The following CACNA1C variants were observed in gnomAD, a reference collection of about 807,000 sequenced individuals.
CACNA1C encodes the protein calcium voltage-gated channel subunit alpha1 C.
In CACNA1C, 30 loss-of-function variants were observed where a neutral mutation model predicts 229.0. The ratio of observed to expected loss-of-function variants is 0.13; its 90% CI spans 0.10 to 0.18. The LOEUF (loss-of-function observed/expected upper bound fraction) is 0.18, where lower values mean the gene tolerates loss of function less well. CACNA1C is among the 10% of genes least tolerant of loss of function. The pLI is 1.00. For synonymous variants in CACNA1C, 1,114 were observed against 1,132.5 expected, an observed-to-expected ratio of 0.98 and a Z score of 0.33; for missense variants, 1,658 against 2,845.0, an observed-to-expected ratio of 0.58 and a Z score of 9.49.
intron 1 of CACNA1C, among the ~76,000 whole-genome samples, chr12:1,990,803 A>G (rs1403194686): frequency 2.0e-5 from 3 of 152,212 alleles, no homozygotes; most frequent in Non-Finnish European, 2.9e-5. Context: ...TAAACCATAC[A>G]TAATTATTAT....
intron 3 of CACNA1C, among the ~76,000 whole-genome samples, chr12:2,163,463 T>C (rs1396133575): frequency 6.6e-6 from 1 of 152,164 alleles, no homozygotes; most frequent in East Asian, 1.9e-4. Context: ...TCATCTGTGA[T>C]GCTTCTTCCA....
At chr12:2,365,484 A>G (rs1393588442) in intron 3 of CACNA1C, among the ~76,000 whole-genome samples, 1 of 152,226 alleles carries the variant, frequency 6.6e-6, no homozygotes, top group Non-Finnish European at 1.5e-5. Flanking sequence ...TGGCCCAAAA[A>G]TGCAGATTAA....
chr12:1,972,268 A>T (rs575354840), intron 1 of CACNA1C, among the ~76,000 whole-genome samples: 1 of 152,262 alleles, frequency 6.6e-6, no homozygotes, highest in African/African-American at 2.4e-5. Flanking sequence ...GAGTAGAATA[A>T]TATTTTCAAT....
chr12:2,028,981 G>T (rs940325495), intron 1 of CACNA1C, among the ~76,000 whole-genome samples: 2 of 152,166 alleles, frequency 1.3e-5, no homozygotes, highest in Non-Finnish European at 2.9e-5. Context: ...GATGACCGTG[G>T]TCATGGATGT....
intron 13 of CACNA1C, among the ~76,000 whole-genome samples, chr12:2,574,021 TGTTGAGAACACCTTA>T (rs1427410190): frequency 2.0e-5 from 3 of 152,224 alleles, no homozygotes; most frequent in Admixed American, 2.0e-4. Context: ...TTCATCCTCT[TGTTGAGAACACCTTA>T]GGGAATGTGC....
intron 3 of CACNA1C, among the ~76,000 whole-genome samples, chr12:2,327,767 A>G (rs941693840): frequency 4.6e-5 from 7 of 152,242 alleles, no homozygotes; most frequent in African/African-American, 1.7e-4. Flanking sequence ...TGCCAAAAGC[A>G]AAACGAAAAT....
chr12:2,358,116 G>A (rs896085596), intron 3 of CACNA1C, among the ~76,000 whole-genome samples: 1 of 152,026 alleles, frequency 6.6e-6, no homozygotes, highest in African/African-American at 2.4e-5. Flanking sequence ...ATCAGCTATG[G>A]AGGCCTCAGA....
rs138407120 is a variant in CACNA1C at position 2,189,922 on chromosome 12, A to G, written c.477+69492A>G. Among the ~76,000 whole-genome samples the G allele has an allele frequency of 1.3e-4, 20 of 152,336 alleles. No homozygotes were observed. In the East Asian group the frequency reaches 3.9e-3, roughly 29 times the overall value. ...GAGGTCCCAAAAGAGGCTGCCTGTGATCCAGGTGAGAGCCGAAACCTTCAA... is the reference window on the plus strand; with the variant it reads ...GAGGTCCCAAAAGAGGCTGCCTGTGGTCCAGGTGAGAGCCGAAACCTTCAA... On this transcript the variant is annotated intron_variant, in intron 3 of 46. Coordinates refer to ENST00000399655, the MANE Select transcript of CACNA1C (RefSeq NM_000719.7).
At chr12:2,145,027 G>A (rs1414822690) in intron 3 of CACNA1C, among the ~76,000 whole-genome samples, 2 of 151,236 alleles carry the variant, frequency 1.3e-5, no homozygotes, top group East Asian at 3.8e-4. Flanking sequence ...GCACTATATT[G>A]GAGAGATTGT....
intron 3 of CACNA1C, among the ~76,000 whole-genome samples, chr12:2,195,452 C>T (rs551820218): frequency 1.4e-4 from 22 of 152,330 alleles, no homozygotes; most frequent in Non-Finnish European, 2.9e-4. Flanking sequence ...GAATTGGATG[C>T]ACTTAAGTAG....
chr12:2,538,663 T>C (rs920367590), intron 9 of CACNA1C, among the ~76,000 whole-genome samples: 1 of 152,214 alleles, frequency 6.6e-6, no homozygotes, highest in African/African-American at 2.4e-5. Context: ...TTGTTTTTCC[T>C]GGACTCACAG....
rs116092856 is a variant in CACNA1C at position 2,530,881 on chromosome 12, C to A, written c.1390+17897C>A. Among the ~76,000 whole-genome samples the A allele has an allele frequency of 8.4e-3, 1,276 of 152,312 alleles. 23 individuals are homozygous for A. Among genetic ancestry groups the A allele is most frequent in the African/African-American group, 0.029 (1,201 of 41,584 alleles). On this transcript the variant is annotated intron_variant, in intron 9 of 46. Transcript: ENST00000399655. The stretch of plus-strand genomic sequence containing the variant: ...GAGGGAACACGGCTAACTGTGACAT[C>A]TTTAGGGGGTGGCCCTGAGAATGCT...
intron 1 of CACNA1C, among the ~76,000 whole-genome samples, chr12:2,105,072 G>T (rs1043229313): frequency 2.0e-5 from 3 of 152,190 alleles, no homozygotes; most frequent in African/African-American, 4.8e-5. Flanking sequence ...GCTTCCAGGC[G>T]TTCCTTACGA....
intron 3 of CACNA1C, among the ~76,000 whole-genome samples, chr12:2,207,071 G>A (rs1334268826): frequency 6.6e-6 from 1 of 151,756 alleles, no homozygotes; most frequent in Non-Finnish European, 1.5e-5. Flanking sequence ...TCAATAAAGG[G>A]GACTTGCTTT....
chr12:2,263,444 A>G (rs1273889154), intron 3 of CACNA1C, among the ~76,000 whole-genome samples: 2 of 152,000 alleles, frequency 1.3e-5, no homozygotes, highest in African/African-American at 4.8e-5. Flanking sequence ...TGTGGTGCTA[A>G]CTTGGGGTGA....
chr12:2,644,460 C>T (rs2094119648), intron 30 of CACNA1C, among the ~76,000 whole-genome samples: 1 of 152,154 alleles, frequency 6.6e-6, no homozygotes, highest in South Asian at 2.1e-4. Flanking sequence ...CTTGGCTGTG[C>T]TTTAAAAAAA....
At chr12:2,516,701 G>C (rs1317655019) in intron 9 of CACNA1C, among the ~76,000 whole-genome samples, 4 of 152,200 alleles carry the variant, frequency 2.6e-5, no homozygotes, top group African/African-American at 9.7e-5. Context: ...ATATGGGGAA[G>C]TCTGTGAGAG....
rs2097793194 is a variant in CACNA1C, at chr12:2,691,872, G to A, written c.*673G>A. On this transcript the variant is annotated 3_prime_UTR_variant, in exon 47 of 47. Transcript: ENST00000399655. The stretch of plus-strand genomic sequence containing the variant: ...CTGCGCCGCCGGCTCCGCCCAACCA[G>A]GTGGTGCTGAGCTTCCGCTGAGCGC... 6.6e-6 allele frequency: 1 copy of A among 152,294 alleles called. No individual in the cohort carries two copies. The highest frequency in any genetic ancestry group is 2.1e-4 in the South Asian group (1 of 4,838). 9.4% of individuals were successfully genotyped at this position (152,294 alleles called of 1,614,324 possible). A position where few individuals can be genotyped will look rare whatever the true frequency, so the allele number is the denominator to read the frequency against.
intron 3 of CACNA1C, among the ~76,000 whole-genome samples, chr12:2,145,676 G>A (rs1459071768): frequency 6.6e-6 from 1 of 151,250 alleles, no homozygotes; most frequent in Non-Finnish European, 1.5e-5. Flanking sequence ...GTAGTCCGTG[G>A]GCTTGTGAGG....
Sources: allele counts gnomAD v4.1 joint callset (sites outside exome capture counted in the v4.1 genomes callset), GRCh38; gene constraint gnomAD v4.1.1; transcripts MANE v1.5; gene names NCBI Gene and HGNC (gene_info 2026-07-23, HGNC 2026-07-21).